OR2T11: variants seen among roughly 807,000 people sequenced by gnomAD.
The protein encoded by OR2T11 is olfactory receptor family 2 subfamily T member 11.
In OR2T11, 14 loss-of-function variants were observed where a neutral mutation model predicts 13.5. The observed-to-expected ratio is 1.04, with a 90% CI of 0.69 to 1.62. OR2T11 has a LOEUF of 1.62. OR2T11 is among the 40% of genes most tolerant of loss of function. OR2T11 has a pLI of 0.00. For synonymous variants in OR2T11, 163 were observed against 154.6 expected (o/e 1.05, Z -0.40); for missense variants, 410 against 389.7 (o/e 1.05, Z -0.44).
intron 1 of OR2T11, among the ~76,000 whole-genome samples, chr1:248,632,110 AAAAG>A (rs1660623077): frequency 7.1e-6 from 1 of 141,462 alleles, no homozygotes; most frequent in Non-Finnish European, 1.5e-5. Context: ...TACCCTAAGA[AAAAG>A]AAAAACAGAA....
chr1:248,628,295 T>TA (rs1660551040), intron 1 of OR2T11, among the ~76,000 whole-genome samples: 1 of 142,902 alleles, frequency 7.0e-6, no homozygotes. Flanking sequence ...GAAAGAACCA[T>TA]ACATGTAGTA....
chr1:248,630,628 G>A lies in OR2T11; in HGVS notation c.-144-3356C>T, dbSNP rs1660595341. Among the ~76,000 whole-genome samples the A allele has an allele frequency of 1.4e-5, 2 of 143,872 alleles. 1 individual carries two copies. The highest frequency in any genetic ancestry group is 3.0e-5 in the Non-Finnish European group (2 of 66,390). The allele number at this position is 143,872 out of a possible 152,430, so 94.4% of individuals were successfully genotyped here. A position where few individuals can be genotyped will look rare whatever the true frequency, so the allele number is the denominator to read the frequency against. ...CAGATAAAATTGTGTATGATTTATT[G>A]CAAAATGTCATCTGCCTTCTATGAT... On this transcript the variant is annotated intron_variant, in intron 1 of 1. Coordinates refer to ENST00000641193, the MANE Select transcript of OR2T11 (RefSeq NM_001001964.2).
At chr1:248,629,863 T>C (rs547350665) in intron 1 of OR2T11, among the ~76,000 whole-genome samples, 1 of 141,552 alleles carries the variant, frequency 7.1e-6, no homozygotes, top group Admixed American at 6.9e-5. Context: ...CATCCCCTCA[T>C]GTACTTCAGG....
rs1185144982 is a variant in OR2T11, at chr1:248,634,029, C to A, written c.-145+1009G>T. ...TGCTTCTAGCATCACCCTTGACATG[C>A]AGTTCTATGTGAGCCTATAAAAGTC... is the stretch of plus-strand genomic sequence containing the variant. On this transcript the variant is annotated intron_variant, in intron 1 of 1. Transcript: ENST00000641193. Among the ~76,000 whole-genome samples the A allele has an allele frequency of 5.0e-5, 7 of 139,580 alleles. 2 individuals carry two copies. Among genetic ancestry groups the A allele is most frequent in the Non-Finnish European group, 1.1e-4 (7 of 65,448 alleles). 91.6% of individuals were successfully genotyped at this position (139,580 alleles called of 152,430 possible). A position where few individuals can be genotyped will look rare whatever the true frequency, so the allele number is the denominator to read the frequency against.
chr1:248,629,802 C>G (rs1290858375), intron 1 of OR2T11, among the ~76,000 whole-genome samples: 1 of 142,102 alleles, frequency 7.0e-6, no homozygotes, highest in Non-Finnish European at 1.5e-5. Context: ...AGGCCATTGC[C>G]TCTGCTGCTC....
chr1:248,624,086 T>C lies in OR2T11; in HGVS notation c.*2092A>G, dbSNP rs1027820394. On this transcript the variant is annotated 3_prime_UTR_variant, in exon 2 of 2. Transcript: ENST00000641193. Reference sequence around the variant, plus strand: ...GCTATTGTCACTGAGTTGGCCATGCTCTTACAAAAGTTCAAACTCTCCACT... The same window carrying C: ...GCTATTGTCACTGAGTTGGCCATGCCCTTACAAAAGTTCAAACTCTCCACT... 19 of 142,260 alleles carry C rather than the reference T, an allele frequency of 1.3e-4. 5 individuals carry two copies. Among genetic ancestry groups the C allele is most frequent in the African/African-American group, 5.3e-4 (19 of 35,890 alleles). 8.8% of individuals were successfully genotyped at this position (142,260 alleles called of 1,614,324 possible).
rs1170231080 is a variant in OR2T11 at position 248,634,275 on chromosome 1, A to G, written c.-145+763T>C. Among the ~76,000 whole-genome samples the G allele has an allele frequency of 1.4e-5, 2 of 142,936 alleles. 1 individual carries two copies. The highest frequency in any genetic ancestry group is 3.0e-5 in the Non-Finnish European group (2 of 66,244). 93.8% of individuals were successfully genotyped at this position (142,936 alleles called of 152,430 possible). A position where few individuals can be genotyped will look rare whatever the true frequency, so the allele number is the denominator to read the frequency against. ...TTTTTAGGTATGTGATGATTTAACA[A>G]AACCAAATAAGCTTAAAGTGCTCAT... On this transcript the variant is annotated intron_variant, in intron 1 of 1. Coordinates refer to ENST00000641193, the MANE Select transcript of OR2T11 (RefSeq NM_001001964.2).
intron 1 of OR2T11, 44 bp from the exon 2 acceptor site, chr1:248,627,316 A>C: frequency 1.8e-6 from 1 of 548,008 alleles, no homozygotes; most frequent in Non-Finnish European, 3.2e-6. Flanking sequence ...ATGAAGCAAA[A>C]ACCATGGCTG....
chr1:248,626,316 CACT>C lies in OR2T11; in HGVS notation c.810_812del (p.Val271del). 1.9e-6 allele frequency: 3 copies of C among 1,571,850 alleles called. No homozygotes were observed. Among genetic ancestry groups the C allele is most frequent in the Non-Finnish European group, 2.6e-6 (3 of 1,155,100 alleles). ...GCGTGACAATGGTATAGAAGGCTGA[CACT>C]ACTTTGTCCTGCTCGGGGGTGTGGA... On this transcript the variant is annotated inframe_deletion, in exon 2 of 2. Transcript: ENST00000641193.
chr1:248,634,521 T>C (rs1660658794), intron 1 of OR2T11, among the ~76,000 whole-genome samples: 1 of 142,920 alleles, frequency 7.0e-6, no homozygotes, highest in Non-Finnish European at 1.5e-5. Flanking sequence ...CCATCCTCAG[T>C]ACAATCCCAG....
chr1:248,624,274 C>T lies in OR2T11; in HGVS notation c.*1904G>A, dbSNP rs1225661947. ...ATTAACATCAAACACATTGGTATCA[C>T]GTTTTTCTAGTTATACTCCATTTCC... On this transcript the variant is annotated 3_prime_UTR_variant, in exon 2 of 2. Coordinates refer to ENST00000641193, the MANE Select transcript of OR2T11 (RefSeq NM_001001964.2). The T allele has an allele frequency of 4.2e-5, 6 of 143,006 alleles. 2 individuals are homozygous for T. Among genetic ancestry groups the T allele is most frequent in the African/African-American group, 1.7e-4 (6 of 36,262 alleles). The allele number at this position is 143,006 out of a possible 1,614,324, so 8.9% of individuals were successfully genotyped here. A position where few individuals can be genotyped will look rare whatever the true frequency, so the allele number is the denominator to read the frequency against.
chr1:248,625,006 G>GTA lies in OR2T11; in HGVS notation c.*1170_*1171dup, dbSNP rs1480980392. Reference sequence around the variant, plus strand: ...CTCCACTAAAGTGCTGGGAGTACAGGTATGAGCTACTGCACCCGGCCTAGC... The same window carrying GTA: ...CTCCACTAAAGTGCTGGGAGTACAGGTATATGAGCTACTGCACCCGGCCTAGC... On this transcript the variant is annotated 3_prime_UTR_variant, in exon 2 of 2. Transcript: ENST00000641193. The GTA allele has an allele frequency of 1.4e-5, 2 of 144,334 alleles. 1 individual carries two copies. The highest frequency in any genetic ancestry group is 3.0e-5 in the Non-Finnish European group (2 of 66,452). 8.9% of individuals were successfully genotyped at this position (144,334 alleles called of 1,614,324 possible).
chr1:248,627,767 C>T (rs1660545775), intron 1 of OR2T11, among the ~76,000 whole-genome samples: 1 of 142,420 alleles, frequency 7.0e-6, no homozygotes, highest in Non-Finnish European at 1.5e-5. Context: ...GTAGGTTGTG[C>T]TCACATTACT....
Position 248,624,262 on chromosome 1 carries a change from AC to A in OR2T11, c.*1915del, listed in dbSNP as rs1660482815. Reference sequence around the variant, plus strand: ...CATGACAGCACCATTAACATCAAACACATTGGTATCACGTTTTTCTAGTTAT... The same window carrying A: ...CATGACAGCACCATTAACATCAAACAATTGGTATCACGTTTTTCTAGTTAT... On this transcript the variant is annotated 3_prime_UTR_variant, in exon 2 of 2. Coordinates refer to ENST00000641193, the MANE Select transcript of OR2T11 (RefSeq NM_001001964.2). The A allele has an allele frequency of 1.4e-5, 2 of 143,078 alleles. 1 individual carries two copies. The highest frequency in any genetic ancestry group is 1.4e-4 in the Admixed American group (2 of 14,650). 8.9% of individuals were successfully genotyped at this position (143,078 alleles called of 1,614,324 possible). A position where few individuals can be genotyped will look rare whatever the true frequency, so the allele number is the denominator to read the frequency against.
chr1:248,625,442 G>T lies in OR2T11; in HGVS notation c.*736C>A, dbSNP rs28417689. 121,939 of 142,646 alleles carry T rather than the reference G, an allele frequency of 0.85. 55,098 individuals are homozygous for T. Among genetic ancestry groups the T allele is most frequent in the South Asian group, 0.95 (4,290 of 4,528 alleles). The allele number at this position is 142,646 out of a possible 1,614,324, so 8.8% of individuals were successfully genotyped here. On this transcript the variant is annotated 3_prime_UTR_variant, in exon 2 of 2. Transcript: ENST00000641193. ...TGTTGAATCACAGAACTTGGAAAAG[G>T]GAAGTTTCTGGCCATGGATGTTAAC...
intron 1 of OR2T11, among the ~76,000 whole-genome samples, chr1:248,627,655 T>G (rs1660544547): frequency 7.0e-6 from 1 of 143,694 alleles, no homozygotes; most frequent in Non-Finnish European, 1.5e-5. Flanking sequence ...CTATTTCTTT[T>G]TAATTATTTG....
Position 248,634,400 on chromosome 1 carries a change from G to A in OR2T11, c.-145+638C>T, listed in dbSNP as rs138670751. On this transcript the variant is annotated intron_variant, in intron 1 of 1. Coordinates refer to ENST00000641193, the MANE Select transcript of OR2T11 (RefSeq NM_001001964.2). ...TATAAACCAAAGGAATGTAGTCAAA[G>A]CAAACCAAGTATTTTCCTGGCCTTT... Among the ~76,000 whole-genome samples, 72 of 141,054 alleles carry A rather than the reference G, an allele frequency of 5.1e-4. 1 individual carries two copies. The highest frequency in any genetic ancestry group is 1.6e-3 in the African/African-American group (54 of 34,606). The allele number at this position is 141,054 out of a possible 152,430, so 92.5% of individuals were successfully genotyped here. A position where few individuals can be genotyped will look rare whatever the true frequency, so the allele number is the denominator to read the frequency against.
Position 248,625,889 on chromosome 1 carries a change from GA to G in OR2T11, c.*288del, listed in dbSNP as rs1660506872. The G allele has an allele frequency of 4.0e-6, 1 of 247,872 alleles. No homozygotes were observed. Among genetic ancestry groups the G allele is most frequent in the Non-Finnish European group, 7.5e-6 (1 of 132,742 alleles). The allele number at this position is 247,872 out of a possible 1,614,324, so 15.4% of individuals were successfully genotyped here. ...AATGTTGTGAAGGAGATCTAGTTCAGAGTGAAAGGTTGCTGTGAACTCTAAT... is the reference window on the plus strand; with the variant it reads ...AATGTTGTGAAGGAGATCTAGTTCAGGTGAAAGGTTGCTGTGAACTCTAAT... On this transcript the variant is annotated 3_prime_UTR_variant, in exon 2 of 2. Transcript: ENST00000641193.
rs1429800718 is a variant in OR2T11, at chr1:248,624,022, A to AG, written c.*2155dup. ...CACCGAGAAGATACAAACCATCGGA[A>AG]GGGATCTTAGTTATAACACACGCTC... is the stretch of plus-strand genomic sequence containing the variant. On this transcript the variant is annotated 3_prime_UTR_variant, in exon 2 of 2. Transcript: ENST00000641193. 7.1e-6 allele frequency: 1 copy of AG among 140,564 alleles called. No homozygotes were observed. Among genetic ancestry groups the AG allele is most frequent in the Non-Finnish European group, 1.5e-5 (1 of 65,518 alleles). The allele number at this position is 140,564 out of a possible 1,614,324, so 8.7% of individuals were successfully genotyped here. A position where few individuals can be genotyped will look rare whatever the true frequency, so the allele number is the denominator to read the frequency against.
Sources: allele counts gnomAD v4.1 joint callset (sites outside exome capture counted in the v4.1 genomes callset), GRCh38; gene constraint gnomAD v4.1.1; transcripts MANE v1.5; gene names NCBI Gene and HGNC (gene_info 2026-07-23, HGNC 2026-07-21).